LAMB1: variants seen among roughly 807,000 people sequenced by gnomAD.
LAMB1 encodes laminin subunit beta-1.
Under a neutral mutation model 222.3 loss-of-function variants are expected in LAMB1, and 121 were observed. The ratio of observed to expected loss-of-function variants is 0.54; its 90% CI spans 0.47 to 0.63. LAMB1 has a LOEUF of 0.63. Among genes scored for constraint, LAMB1 ranks in the 30% least tolerant of loss-of-function variants. The probability of loss-of-function intolerance (pLI) is 0.00; values close to 1 mark genes in which losing one functional copy is unlikely to be tolerated. For synonymous variants in LAMB1, 794 were observed against 807.2 expected, an observed-to-expected ratio of 0.98 and a Z score of 0.28; for missense variants, 2,172 against 2,240.8, an observed-to-expected ratio of 0.97 and a Z score of 0.62.
At chr7:107,930,273 A>G (rs546576813) in intron 29 of LAMB1, among the ~76,000 whole-genome samples, 2 of 152,358 alleles carry the variant, frequency 1.3e-5, no homozygotes, top group African/African-American at 4.8e-5. Flanking sequence ...TAAGCTTCAA[A>G]TACGTCAGAT....
chr7:107,995,071 C>T, intron 4 of LAMB1, 111 bp from the exon 5 acceptor site: 1 of 613,994 alleles, frequency 1.6e-6, no homozygotes, highest in Admixed American at 2.7e-5. Flanking sequence ...TAGAAATTAT[C>T]CTCGCATTCT....
chr7:107,948,229 C>T (rs1057229036), intron 24 of LAMB1, among the ~76,000 whole-genome samples: 1 of 152,110 alleles, frequency 6.6e-6, no homozygotes, highest in Non-Finnish European at 1.5e-5. Flanking sequence ...TCAAGTGATC[C>T]GCCCGCCTTG....
chr7:107,968,386 G>A (rs144786918), intron 13 of LAMB1, among the ~76,000 whole-genome samples: 35 of 152,322 alleles, frequency 2.3e-4, no homozygotes, highest in African/African-American at 7.9e-4. Flanking sequence ...GCCTGTGTGA[G>A]GCAGAATAAT....
chr7:107,955,629 A>G lies in LAMB1; in HGVS notation c.2692T>C (p.Cys898Arg), dbSNP rs1562987740. 1 of 1,611,266 alleles carries G rather than the reference A, an allele frequency of 6.2e-7. No individual in the cohort carries two copies. The highest frequency in any genetic ancestry group is 8.5e-7 in the Non-Finnish European group (1 of 1,178,682). The change falls in exon 21 of 34, where the codon TGC (cysteine) becomes CGC (arginine). Residue 898 changes from cysteine to arginine, a missense_variant and splice_region_variant. Physicochemically the swap from Cys to Arg is radical, Grantham distance 180. Transcript: ENST00000222399. ...DYTMGHNCER[C>R]LAGYYGDPII... ...GGGTCGCCATAGTAACCAGCCAAGC[A>G]CCTGCATCAGTCACAGAAGAGAACA...
At chr7:107,950,629 C>A (rs922998412) in intron 24 of LAMB1, among the ~76,000 whole-genome samples, 1 of 152,146 alleles carries the variant, frequency 6.6e-6, no homozygotes, top group Non-Finnish European at 1.5e-5. Context: ...GAGCCCCTGA[C>A]CTTGGAGCCC....
intron 12 of LAMB1, among the ~76,000 whole-genome samples, chr7:107,973,410 G>C (rs945839966): frequency 6.6e-6 from 1 of 152,110 alleles, no homozygotes; most frequent in Non-Finnish European, 1.5e-5. Context: ...ATTATGGCAA[G>C]GATTTGGCAG....
chr7:107,980,432 A>G (rs2033949415), intron 8 of LAMB1, among the ~76,000 whole-genome samples, 177 bp downstream of exon 8: 1 of 152,234 alleles, frequency 6.6e-6, no homozygotes, highest in Admixed American at 6.5e-5. Context: ...TCCGTGTCCA[A>G]GAAACTCTTC....
chr7:107,929,962 G>A, intron 29 of LAMB1: 2 of 323,784 alleles, frequency 6.2e-6, no homozygotes, highest in Non-Finnish European at 1.2e-5. Context: ...GAACGGCAGA[G>A]TATGTTACGG....
chr7:107,976,672 A>G (rs1297369937), intron 9 of LAMB1, among the ~76,000 whole-genome samples: 2 of 152,160 alleles, frequency 1.3e-5, no homozygotes, highest in Non-Finnish European at 2.9e-5. Context: ...TGCCCAACAG[A>G]GTACTGCTCT....
chr7:107,980,637 T>C lies in LAMB1; in HGVS notation c.851A>G (p.Asp284Gly), dbSNP rs752130565. 6.2e-7 allele frequency: 1 copy of C among 1,614,104 alleles called. No individual in the cohort carries two copies. The highest frequency in any genetic ancestry group is 8.5e-7 in the Non-Finnish European group (1 of 1,180,016). Residue 284 changes from aspartate to glycine, a missense_variant, in exon 8 of 34, where the codon GAT (aspartate) becomes GGT (glycine). Transcript: ENST00000222399. The stretch of plus-strand genomic sequence containing the variant: ...TCCTTCCACTTCTTCATTGAATCCA[T>C]CCACAGGGGCACATTCGCTGGCATG... Reference protein sequence around the residue: ...YGHASECAPVDGFNEEVEGMV... With the variant: ...YGHASECAPVGGFNEEVEGMV...
chr7:107,954,157 G>A (rs2033323803), intron 21 of LAMB1, among the ~76,000 whole-genome samples: 1 of 151,750 alleles, frequency 6.6e-6, no homozygotes, highest in Non-Finnish European at 1.5e-5. Flanking sequence ...CTAATCCAAG[G>A]ATTACATTTT....
intron 13 of LAMB1, 56 bp downstream of exon 13, chr7:107,972,927 CATTCCTGTA>C: frequency 8.1e-7 from 1 of 1,229,124 alleles, no homozygotes; most frequent in Non-Finnish European, 1.2e-6. Flanking sequence ...GAATGTCACC[CATTCCTGTA>C]AGTCATGACT....
In LAMB1 at chr7:107,975,889, G is replaced by C. The variant is rs776797708; in HGVS notation, c.1001-12C>G. The C allele has an allele frequency of 4.3e-6, 7 of 1,610,782 alleles. No homozygotes were observed. Among genetic ancestry groups the C allele is most frequent in the African/African-American group, 2.7e-5 (2 of 74,850 alleles). ...ATTGCAGTTACATTCTGCGTGACAA[G>C]AGCAACGTCAAGAAAAGCTTTTTAA... On this transcript the variant is annotated splice_polypyrimidine_tract_variant and intron_variant, in intron 9 of 33. Coordinates refer to ENST00000222399, the MANE Select transcript of LAMB1 (RefSeq NM_002291.3).
At chr7:107,954,939 CAT>C (rs2033343200) in intron 21 of LAMB1, among the ~76,000 whole-genome samples, 2 of 151,782 alleles carry the variant, frequency 1.3e-5, no homozygotes. Flanking sequence ...TACATATAAA[CAT>C]AATCAGTATT....
chr7:107,927,343 G>GC (rs1264830899), intron 31 of LAMB1, among the ~76,000 whole-genome samples: 2 of 152,188 alleles, frequency 1.3e-5, no homozygotes, highest in African/African-American at 4.8e-5. Flanking sequence ...AACACTTCCT[G>GC]CCCCCTAGGG....
At chr7:107,993,423 C>G in intron 5 of LAMB1, among the ~76,000 whole-genome samples, 1 of 152,294 alleles carries the variant, frequency 6.6e-6, no homozygotes, top group Admixed American at 6.5e-5. Flanking sequence ...TGTGAGCCAC[C>G]ACGCCTGGCC....
At chr7:107,957,384 C>T (rs1282470674) in intron 20 of LAMB1, among the ~76,000 whole-genome samples, 1 of 151,924 alleles carries the variant, frequency 6.6e-6, no homozygotes, top group African/African-American at 2.4e-5. Context: ...GAATGAGACT[C>T]CATCTCAAAA....
In LAMB1 at chr7:107,924,269, G is replaced by C. The variant is rs2032507695; in HGVS notation, c.5185C>G (p.Leu1729Val). The change falls in exon 33 of 34, where the codon CTT (leucine) becomes GTT (valine). Residue 1729 changes from leucine to valine, a missense_variant. By Grantham distance (32) the Leu-to-Val change is conservative. Coordinates refer to ENST00000222399, the MANE Select transcript of LAMB1 (RefSeq NM_002291.3). The part of the protein sequence containing the change: ...AEMLQNEAKT[L>V]LAQANSKLQL... ...AGCTTGCTATTTGCTTGAGCTAAAA[G>C]AGTTTTTGCTTCATTTTGTAGCATT... The C allele has an allele frequency of 2.5e-6, 4 of 1,612,668 alleles. No homozygotes were observed. The highest frequency in any genetic ancestry group is 1.3e-5 in the African/African-American group (1 of 74,842).
chr7:107,960,444 C>A lies in LAMB1; in HGVS notation c.2314+1G>T. ...TGCTGCAGCTGCCCAGCAATACCTA[C>A]CCAGGCCTGTCTGGTGTAACAGGGC... On this transcript the variant is annotated splice_donor_variant, in intron 18 of 33. Coordinates refer to ENST00000222399, the MANE Select transcript of LAMB1 (RefSeq NM_002291.3). LOFTEE classifies it high-confidence loss of function. 1 of 1,612,498 alleles carries A rather than the reference C, an allele frequency of 6.2e-7. No individual in the cohort carries two copies. The highest frequency in any genetic ancestry group is 8.5e-7 in the Non-Finnish European group (1 of 1,178,694).
Sources: gnomAD v4.1 joint callset for allele counts (sites outside exome capture counted in the v4.1 genomes callset) on GRCh38, gnomAD v4.1.1 for gene constraint, MANE v1.5 for transcripts, NCBI Gene and HGNC (gene_info 2026-07-23, HGNC 2026-07-21) for gene names.